Variants in ATP2C1 observed in about 807,000 individuals in gnomAD.
ATP2C1 encodes ATPase secretory pathway Ca2+ transporting 1.
ATP2C1 carries 31 observed loss-of-function variants against 120.5 expected under a neutral mutation model. The observed-to-expected ratio is 0.26, with a 90% CI of 0.19 to 0.35. The LOEUF is 0.35. ATP2C1 is among the 10% of genes least tolerant of loss of function. ATP2C1 has a pLI of 1.00. For missense variants in ATP2C1, 731 were observed against 1,107.5 expected (o/e 0.66, Z 4.83); for synonymous variants, 351 against 358.7 (o/e 0.98, Z 0.24).
intron 10 of ATP2C1, 86 bp from the exon 11 acceptor site, chr3:130,956,018 T>C (rs2060565881): frequency 1.1e-6 from 1 of 878,784 alleles, no homozygotes; most frequent in Admixed American, 1.7e-5. Flanking sequence ...GGAATTGCTT[T>C]GTCAAGCACT....
At chr3:130,956,352 G>T (rs966700982) in intron 11 of ATP2C1, among the ~76,000 whole-genome samples, 173 bp downstream of exon 11, 10 of 151,870 alleles carry the variant, frequency 6.6e-5, no homozygotes, top group African/African-American at 2.4e-4. Context: ...AGAAAAAATA[G>T]AACTCTGATT....
intron 2 of ATP2C1, among the ~76,000 whole-genome samples, chr3:130,895,495 G>A (rs1178754128): frequency 2.0e-5 from 3 of 152,138 alleles, no homozygotes; most frequent in Non-Finnish European, 4.4e-5. Context: ...GAACAACTGT[G>A]AATAAGTGAT....
At chr3:130,940,872 C>T (rs2059861286) in intron 7 of ATP2C1, among the ~76,000 whole-genome samples, 181 bp downstream of exon 7, 1 of 148,746 alleles carries the variant, frequency 6.7e-6, no homozygotes, top group African/African-American at 2.5e-5. Context: ...ACTTTAAAAT[C>T]CGAGATTCTA....
intron 2 of ATP2C1, among the ~76,000 whole-genome samples, chr3:130,928,871 A>G (rs2059332131): frequency 6.6e-6 from 1 of 152,284 alleles, no homozygotes; most frequent in Admixed American, 6.5e-5. Context: ...TAACTATGTC[A>G]TCTATTTCAA....
Position 130,979,438 on chromosome 3 carries a change from C to A in ATP2C1, c.1741+19C>A, listed in dbSNP as rs1560005522. ...GCAATCGGTATAACTAGACTGCTTT[C>A]TTTTGTTTTCGATAGTTTTTCTTAA... On this transcript the variant is annotated intron_variant, in intron 19 of 27. Transcript: ENST00000510168. The A allele has an allele frequency of 6.2e-7, 1 of 1,611,838 alleles. No individual in the cohort carries two copies. The highest frequency in any genetic ancestry group is 8.5e-7 in the Non-Finnish European group (1 of 1,178,496).
upstream of ATP2C1, among the ~76,000 whole-genome samples, chr3:130,891,570 G>C (rs1255648313): frequency 6.6e-6 from 1 of 152,120 alleles, no homozygotes; most frequent in Admixed American, 6.5e-5. Flanking sequence ...GATTTCTATG[G>C]AAGCAATAAG....
rs959007528 is a variant in ATP2C1 at position 130,967,359 on chromosome 3, T to C, written c.1248T>C (p.Ile416=). The change falls in exon 16 of 28, where the codon ATT becomes ATC. Residue 416 remains isoleucine (I), a synonymous_variant. Transcript: ENST00000510168. ...EAGCVCNDAV[I]RNNTLMGKPT... is the part of the protein sequence containing the mutation. ...GCTGTGTGTGCAATGATGCTGTAAT[T>C]AGAAACAATACTCTAATGGGGAAGC... The C allele has an allele frequency of 1.2e-6, 2 of 1,613,654 alleles. No individual in the cohort carries two copies. Among genetic ancestry groups the C allele is most frequent in the Non-Finnish European group, 8.5e-7 (1 of 1,179,772 alleles).
rs71333682 is a variant in ATP2C1, at chr3:130,934,505, G to A, written c.235-117G>A. 1,368 of 701,146 alleles carry A rather than the reference G, an allele frequency of 2.0e-3. 10 individuals carry two copies. The highest frequency in any genetic ancestry group is 6.1e-3 in the Middle Eastern group (20 of 3,256). The allele number at this position is 701,146 out of a possible 1,614,324, so 43.4% of individuals were successfully genotyped here. A position where few individuals can be genotyped will look rare whatever the true frequency, so the allele number is the denominator to read the frequency against. ...TGAAGAGATACATAAAATAAACTGA[G>A]TATAGACTTTTGTAATTTTCCAGTC... On this transcript the variant is annotated intron_variant, in intron 4 of 27. Transcript: ENST00000510168.
rs780756473 is a variant in ATP2C1 at position 130,980,587 on chromosome 3, C to T, written c.1747C>T (p.Arg583Cys). ...TTCTCTCTCATTTGCTTTAGCCAGT[C>T]GTCTGGGATTGTATTCCAAAACTTC... ...SQETAVAIAS[R>C]LGLYSKTSQS... The change falls in exon 20 of 28, where the codon CGT (arginine) becomes TGT (cysteine). Residue 583 changes from arginine (R) to cysteine (C), a missense_variant. Physicochemically the swap from Arg to Cys is radical, Grantham distance 180. Around this residue, in one of 3 missense-constraint regions of ATP2C1, gnomAD observed 571 missense variants for 845.9 expected, o/e 0.67. Coordinates refer to ENST00000510168, the MANE Select transcript of ATP2C1 (RefSeq NM_001378687.1). The T allele has an allele frequency of 4.3e-6, 7 of 1,611,968 alleles. No homozygotes were observed. The highest frequency in any genetic ancestry group is 3.4e-6 in the Non-Finnish European group (4 of 1,178,376).
At chr3:130,892,757 T>C (rs2069228986), upstream of ATP2C1, among the ~76,000 whole-genome samples, 1 of 152,062 alleles carries the variant, frequency 6.6e-6, no homozygotes, top group African/African-American at 2.4e-5. Context: ...GGTTCATCTT[T>C]AAAAGTGACC....
intron 12 of ATP2C1, among the ~76,000 whole-genome samples, chr3:130,962,669 A>G (rs1037577314): frequency 1.3e-5 from 2 of 148,334 alleles, no homozygotes; most frequent in African/African-American, 5.0e-5. Context: ...GATTCGTTGT[A>G]TCTAGATTGT....
At chr3:130,996,578 A>T in intron 23 of ATP2C1, 102 bp from the exon 24 acceptor site, 1 of 835,454 alleles carries the variant, frequency 1.2e-6, no homozygotes. Flanking sequence ...GTCTTCCTTT[A>T]AAAGCATAGT....
At chr3:130,928,378 C>T (rs1210353132) in intron 2 of ATP2C1, 2 of 152,142 alleles carry the variant, frequency 1.3e-5, no homozygotes, top group East Asian at 1.9e-4. Flanking sequence ...TGGAGATTTA[C>T]AGCTACTTTG....
intron 20 of ATP2C1, among the ~76,000 whole-genome samples, chr3:130,983,131 T>C (rs1255944842): frequency 6.6e-6 from 1 of 152,150 alleles, no homozygotes; most frequent in Non-Finnish European, 1.5e-5. Flanking sequence ...TACATAACCA[T>C]TTTCCTGTTG....
chr3:130,879,574 GT>G (rs2068718426), intron 1 of ATP2C1, among the ~76,000 whole-genome samples: 1 of 152,172 alleles, frequency 6.6e-6, no homozygotes, highest in African/African-American at 2.4e-5. Context: ...AAGAATTACC[GT>G]TGTTTTTTGG....
chr3:130,901,856 G>A (rs1453452777), intron 2 of ATP2C1, among the ~76,000 whole-genome samples: 1 of 152,018 alleles, frequency 6.6e-6, no homozygotes, highest in Admixed American at 6.6e-5. Context: ...TCTCAGGATT[G>A]TTTTGCCCCC....
intron 12 of ATP2C1, among the ~76,000 whole-genome samples, chr3:130,959,764 G>A (rs1263386179): frequency 6.6e-6 from 1 of 152,006 alleles, no homozygotes; most frequent in Non-Finnish European, 1.5e-5. Flanking sequence ...GCATCCATGA[G>A]ATAAATTGTT....
At chr3:130,997,779 A>G in intron 25 of ATP2C1, 26 bp downstream of exon 25, 2 of 1,610,852 alleles carry the variant, frequency 1.2e-6, no homozygotes, top group Non-Finnish European at 1.7e-6. Context: ...AAGCTGCTAT[A>G]TTAACATGAA....
intron 2 of ATP2C1, among the ~76,000 whole-genome samples, chr3:130,907,844 A>G (rs1190786118): frequency 6.6e-6 from 1 of 151,616 alleles, no homozygotes; most frequent in East Asian, 1.9e-4. Context: ...TTTCATAAGC[A>G]TTGCCTTGAA....
Sources: allele counts gnomAD v4.1 joint callset (sites outside exome capture counted in the v4.1 genomes callset), GRCh38; gene constraint gnomAD v4.1.1; regional missense constraint gnomAD v4.1.1; transcripts MANE v1.5; gene names NCBI Gene and HGNC (gene_info 2026-07-23, HGNC 2026-07-21).